The following TSPAN17 variants were observed in gnomAD, a reference collection of about 807,000 sequenced individuals.
The protein encoded by TSPAN17 is tetraspanin 17.
TSPAN17 carries 33 observed loss-of-function variants against 40.5 expected under a neutral mutation model. The ratio of observed to expected loss-of-function variants is 0.81; its 90% CI spans 0.62 to 1.09. The LOEUF is 1.09. Among genes scored for constraint, TSPAN17 ranks in the 50% least tolerant of loss-of-function variants. TSPAN17 has a pLI of 0.00. For missense variants in TSPAN17, 365 were observed against 416.8 expected (o/e 0.88, Z 1.08); for synonymous variants, 166 against 169.4 (o/e 0.98, Z 0.15).
chr5:176,651,985 A>G lies in TSPAN17; in HGVS notation c.285+85A>G. The G allele has an allele frequency of 6.5e-7, 1 of 1,531,656 alleles. No individual in the cohort carries two copies. Among genetic ancestry groups the G allele is most frequent in the Admixed American group, 1.8e-5 (1 of 55,320 alleles). 94.9% of individuals were successfully genotyped at this position (1,531,656 alleles called of 1,614,324 possible). On this transcript the variant is annotated intron_variant, in intron 3 of 8. Coordinates refer to ENST00000508164, the MANE Select transcript of TSPAN17 (RefSeq NM_130465.5). The surrounding 1 kb of genome is among the most constrained non-coding windows in gnomAD (Gnocchi z 4.5). ...ATACAGTTGGAGCTTAATGATGGGT[A>G]GCTTTATTATTATGCTATAATCGTC...
chr5:176,649,052 G>C (rs566092729), intron 1 of TSPAN17, among the ~76,000 whole-genome samples: 7 of 152,256 alleles, frequency 4.6e-5, no homozygotes, highest in South Asian at 2.1e-4. Flanking sequence ...CGGAGCGTGG[G>C]GTGTTATGTT....
In TSPAN17 at chr5:176,651,329, C is replaced by T. The variant is rs892961757; in HGVS notation, c.88-287C>T. ...CCCGCTGACACAGCTGCTATTGCTCCTTGGCAGGAGTGTCTTGGCCACCGT... is the reference window on the plus strand; with the variant it reads ...CCCGCTGACACAGCTGCTATTGCTCTTTGGCAGGAGTGTCTTGGCCACCGT... On this transcript the variant is annotated intron_variant, in intron 1 of 8. Coordinates refer to ENST00000508164, the MANE Select transcript of TSPAN17 (RefSeq NM_130465.5). This position sits in a 1 kb window ranked among gnomAD's most constrained non-coding sequence, Gnocchi z 4.5. 2.0e-5 allele frequency among the ~76,000 whole-genome samples: 3 copies of T among 152,186 alleles called. No homozygotes were observed. Among genetic ancestry groups the T allele is most frequent in the Non-Finnish European group, 4.4e-5 (3 of 68,030 alleles).
rs1760778694 is a variant in TSPAN17, at chr5:176,647,505, G to A, written c.-111G>A. 2.9e-5 allele frequency: 22 copies of A among 755,722 alleles called. No individual in the cohort carries two copies. Among genetic ancestry groups the A allele is most frequent in the Non-Finnish European group, 3.9e-5 (21 of 532,234 alleles). The allele number at this position is 755,722 out of a possible 1,614,324, so 46.8% of individuals were successfully genotyped here. On this transcript the variant is annotated 5_prime_UTR_variant, in exon 1 of 9. The change abolishes an upstream ATG in the 5' untranslated region. Transcript: ENST00000508164. ...CGGCGCTCTGTGTGGCCGAGGCCATGAAGCCGCAGCCGCCCGGCTAGGCCC... is the reference window on the plus strand; with the variant it reads ...CGGCGCTCTGTGTGGCCGAGGCCATAAAGCCGCAGCCGCCCGGCTAGGCCC...
intron 5 of TSPAN17, 105 bp from the exon 6 acceptor site, chr5:176,655,973 C>G: frequency 1.0e-6 from 1 of 984,360 alleles, no homozygotes; most frequent in African/African-American, 1.6e-5. Context: ...AATCCACGGG[C>G]CCATCTGCGT....
intron 8 of TSPAN17, 178 bp downstream of exon 8, chr5:176,657,134 T>C (rs1384385599): frequency 5.8e-6 from 4 of 685,334 alleles, no homozygotes; most frequent in Non-Finnish European, 9.6e-6. Context: ...GAAGTTGCTG[T>C]GCCTCCGCCT....
intron 5 of TSPAN17, 72 bp downstream of exon 5, chr5:176,655,092 C>G: frequency 6.6e-7 from 1 of 1,516,564 alleles, no homozygotes; most frequent in East Asian, 2.4e-5. Flanking sequence ...TCCCACAGGG[C>G]CCCGCTCCGC....
rs960899080 is a variant in TSPAN17, at chr5:176,656,946, A to G, written c.799A>G (p.Lys267Glu). The stretch of plus-strand genomic sequence containing the variant: ...CCTCGTGAGTGACATCAAGGCAGTG[A>G]AAGCCAACTGGTGAGGCCGCCAGAG... ...QNLVSDIKAV[K>E]ANWSKWNDDF... Residue 267 changes from lysine (K) to glutamate (E), a missense_variant, in exon 8 of 9, where the codon AAA becomes GAA. Physicochemically the swap from Lys to Glu is moderately conservative, Grantham distance 56. Coordinates refer to ENST00000508164, the MANE Select transcript of TSPAN17 (RefSeq NM_130465.5). The G allele has an allele frequency of 8.7e-6, 14 of 1,613,506 alleles. No individual in the cohort carries two copies. Among genetic ancestry groups the G allele is most frequent in the Non-Finnish European group, 1.2e-5 (14 of 1,179,648 alleles).
In TSPAN17 at chr5:176,657,625, C is replaced by T. The variant is rs147674980; in HGVS notation, c.917C>T (p.Pro306Leu). Residue 306 changes from proline to leucine, a missense_variant, in exon 9 of 9, where the codon CCG becomes CTG. Transcript: ENST00000508164. ...QQNSLTGAPG[P>L]APPSRHVFFG... ...AACTCTCTGACTGGGGCCCCTGGCC[C>T]GGCCCCACCCAGCCGACATGTTTTC... 214 of 1,613,146 alleles carry T rather than the reference C, an allele frequency of 1.3e-4. No homozygotes were observed. In the African/African-American group the frequency reaches 2.3e-3, roughly 18 times the overall value.
At chr5:176,655,980 G>A in intron 5 of TSPAN17, 98 bp from the exon 6 acceptor site, 2 of 1,083,750 alleles carry the variant, frequency 1.8e-6, no homozygotes, top group East Asian at 2.4e-5. Flanking sequence ...GGGCCCATCT[G>A]CGTCCTCTGA....
chr5:176,651,684 C>T lies in TSPAN17; in HGVS notation c.138+18C>T, dbSNP rs769909683. 2.7e-5 allele frequency: 44 copies of T among 1,613,934 alleles called. 1 individual carries two copies. Among genetic ancestry groups the T allele is most frequent in the Non-Finnish European group, 3.4e-5 (40 of 1,179,880 alleles). ...GTGAGAAGGTAAGGCAGCGGGCGGG[C>T]GTGGAGCTGGTATGGGACGAGGTGG... On this transcript the variant is annotated intron_variant, in intron 2 of 8. Coordinates refer to ENST00000508164, the MANE Select transcript of TSPAN17 (RefSeq NM_130465.5). This position sits in a 1 kb window ranked among gnomAD's most constrained non-coding sequence, Gnocchi z 4.5.
chr5:176,648,667 A>T (rs1329554215), intron 1 of TSPAN17, among the ~76,000 whole-genome samples: 1 of 152,188 alleles, frequency 6.6e-6, no homozygotes, highest in Non-Finnish European at 1.5e-5. Flanking sequence ...GCACTGGCAA[A>T]GAAGTCAGAA....
chr5:176,656,848 T>A, intron 7 of TSPAN17, 32 bp downstream of exon 7: 1 of 1,614,116 alleles, frequency 6.2e-7, no homozygotes, highest in South Asian at 1.1e-5. Flanking sequence ...CCCCTCCCCT[T>A]GCCGGGGCCG....
intron 4 of TSPAN17, chr5:176,653,178 G>A (rs77618186): frequency 0.011 from 4,028 of 363,170 alleles, 139 homozygotes; most frequent in African/African-American, 0.072. Flanking sequence ...CAGGGCCTAC[G>A]ACACACGGGA....
chr5:176,655,080 C>G, intron 5 of TSPAN17, 60 bp downstream of exon 5: 1 of 1,541,468 alleles, frequency 6.5e-7, no homozygotes, highest in Non-Finnish European at 8.8e-7. Flanking sequence ...TCTGGAGAAA[C>G]CTCCCACAGG....
intron 8 of TSPAN17, 145 bp downstream of exon 8, chr5:176,657,101 C>T (rs551109009): frequency 1.9e-5 from 16 of 864,656 alleles, no homozygotes; most frequent in African/African-American, 1.5e-4. Context: ...TCGCCTGAAC[C>T]GCTGTGCTGT....
chr5:176,657,574 TC>T lies in TSPAN17; in HGVS notation c.868del (p.Leu290CysfsTer11). 2 of 1,613,514 alleles carry T rather than the reference TC, an allele frequency of 1.2e-6. No homozygotes were observed. The highest frequency in any genetic ancestry group is 2.2e-5 in the South Asian group (2 of 91,022). ...NHWLTPTISE[V>X]LSTAGPQQNS... is the part of the protein sequence containing the mutation. Reference sequence around the variant, plus strand: ...TGGCTTACGCCCACCATTTCCGAGGTCCTGTCCACGGCGGGGCCTCAGCAGA... The same window carrying T: ...TGGCTTACGCCCACCATTTCCGAGGTCTGTCCACGGCGGGGCCTCAGCAGA... On this transcript the variant is annotated frameshift_variant, in exon 9 of 9. Transcript: ENST00000508164. LOFTEE classifies it low-confidence loss of function (END_TRUNC).
At chr5:176,655,115 T>TG in intron 5 of TSPAN17, 95 bp downstream of exon 5, 1 of 1,417,572 alleles carries the variant, frequency 7.1e-7, no homozygotes, top group African/African-American at 1.4e-5. Context: ...TGCCCTGCTC[T>TG]GGGGGCGTGG....
At position 176,650,358 on chromosome 5, in the gene TSPAN17, G is replaced by C. The variant is rs1487263990; in HGVS notation, c.88-1258G>C. 6.6e-6 allele frequency among the ~76,000 whole-genome samples: 1 copy of C among 152,186 alleles called. No individual in the cohort carries two copies. Among genetic ancestry groups the C allele is most frequent in the Non-Finnish European group, 1.5e-5 (1 of 68,042 alleles). ...CAGGAACTCCTGCTGGAGGCTGAGA[G>C]CTCACTTCCCAGCTGTTTTCCCAAA... On this transcript the variant is annotated intron_variant, in intron 1 of 8. Coordinates refer to ENST00000508164, the MANE Select transcript of TSPAN17 (RefSeq NM_130465.5). The surrounding 1 kb of genome is among the most constrained non-coding windows in gnomAD (Gnocchi z 4.0).
At position 176,658,598 on chromosome 5, in the gene TSPAN17, A is replaced by C. The variant is rs1172898485; in HGVS notation, c.*900A>C. 2.0e-5 allele frequency: 3 copies of C among 152,224 alleles called. No homozygotes were observed. Among genetic ancestry groups the C allele is most frequent in the Non-Finnish European group, 4.4e-5 (3 of 68,050 alleles). The allele number at this position is 152,224 out of a possible 1,614,324, so 9.4% of individuals were successfully genotyped here. A position where few individuals can be genotyped will look rare whatever the true frequency, so the allele number is the denominator to read the frequency against. ...TAGTCGGTAACAGCCACTTTCCTTGAGACCAAGAGAGTGCGGTGGGGATGG... is the reference window on the plus strand; with the variant it reads ...TAGTCGGTAACAGCCACTTTCCTTGCGACCAAGAGAGTGCGGTGGGGATGG... On this transcript the variant is annotated 3_prime_UTR_variant, in exon 9 of 9. Coordinates refer to ENST00000508164, the MANE Select transcript of TSPAN17 (RefSeq NM_130465.5).
Sources: allele counts gnomAD v4.1 joint callset (sites outside exome capture counted in the v4.1 genomes callset), GRCh38; gene constraint gnomAD v4.1.1; non-coding constraint Gnocchi (gnomAD v3.1); transcripts MANE v1.5; gene names NCBI Gene and HGNC (gene_info 2026-07-23, HGNC 2026-07-21).